Variants in GLIS3 observed in about 807,000 individuals in gnomAD.
GLIS3 encodes GLIS family zinc finger 3.
In GLIS3, 53 loss-of-function variants were observed where a neutral mutation model predicts 78.6. That is an observed-to-expected ratio of 0.67 (90% CI 0.54 to 0.85). The LOEUF is 0.85. GLIS3 is among the 40% of genes least tolerant of loss of function. GLIS3 has a pLI of 0.00. For missense variants in GLIS3, 1,703 were observed against 1,231.1 expected (o/e 1.38, Z -5.74); for synonymous variants, 684 against 509.9 (o/e 1.34, Z -4.60).
chr9:4,129,214 T>C (rs1442141302), intron 2 of GLIS3, among the ~76,000 whole-genome samples: 2 of 152,080 alleles, frequency 1.3e-5, no homozygotes, highest in Admixed American at 1.3e-4. Context: ...TGTCTTGGAG[T>C]GTGGGCTCTG....
At chr9:4,369,495 C>A in the GLIS3 span, among the ~76,000 whole-genome samples, 1 of 152,142 alleles carries the variant, frequency 6.6e-6, no homozygotes, top group Admixed American at 6.5e-5. Flanking sequence ...TAAGTTCCAC[C>A]ATATGATCAA....
In GLIS3 at chr9:3,921,016, A is replaced by T. The variant is rs1169006097; in HGVS notation, c.1983+11344T>A. Reference sequence around the variant, plus strand: ...ATTTATCCTTTTTACCACCAAACTTAAAGATCTTGCATCACAACCCTACGG... The same window carrying T: ...ATTTATCCTTTTTACCACCAAACTTTAAGATCTTGCATCACAACCCTACGG... On this transcript the variant is annotated intron_variant, in intron 6 of 10. Coordinates refer to ENST00000381971, the MANE Select transcript of GLIS3 (RefSeq NM_001042413.2). Among the ~76,000 whole-genome samples, 3 of 152,326 alleles carry T rather than the reference A, an allele frequency of 2.0e-5. No individual in the cohort carries two copies. The East Asian group carries it at 5.8e-4, about 29-fold the overall frequency.
intron 7 of GLIS3, among the ~76,000 whole-genome samples, chr9:3,889,770 C>T (rs1822304970): frequency 6.6e-6 from 1 of 152,138 alleles, no homozygotes; most frequent in Non-Finnish European, 1.5e-5. Flanking sequence ...CACCTAAAGG[C>T]TAATAACTTT....
At chr9:4,170,528 T>A (rs1816286932) in intron 2 of GLIS3, among the ~76,000 whole-genome samples, 1 of 152,138 alleles carries the variant, frequency 6.6e-6, no homozygotes, top group Non-Finnish European at 1.5e-5. Flanking sequence ...AGTGAGACAG[T>A]CATCTAGGAG....
At chr9:4,064,032 G>C (rs1456379834) in intron 4 of GLIS3, among the ~76,000 whole-genome samples, 1 of 151,898 alleles carries the variant, frequency 6.6e-6, no homozygotes, top group Non-Finnish European at 1.5e-5. Context: ...CTGAAATGTA[G>C]AAGCTCAATA....
intron 2 of GLIS3, among the ~76,000 whole-genome samples, chr9:4,273,121 G>C (rs902661118): frequency 1.3e-5 from 2 of 152,174 alleles, no homozygotes; most frequent in African/African-American, 2.4e-5. Flanking sequence ...AGACTGGAGA[G>C]TTATGACTAA....
At chr9:4,158,087 T>C (rs1260144582) in intron 2 of GLIS3, among the ~76,000 whole-genome samples, 3 of 152,204 alleles carry the variant, frequency 2.0e-5, no homozygotes, top group Non-Finnish European at 2.9e-5. Flanking sequence ...ACATGCCTCA[T>C]CCACACATAT....
At chr9:4,036,379 T>C (rs1364038219) in intron 4 of GLIS3, among the ~76,000 whole-genome samples, 1 of 152,178 alleles carries the variant, frequency 6.6e-6, no homozygotes, top group Non-Finnish European at 1.5e-5. Context: ...CCTTAATTTC[T>C]GTAGAACAAG....
At chr9:4,380,765 A>G in the GLIS3 span, among the ~76,000 whole-genome samples, 3 of 152,238 alleles carry the variant, frequency 2.0e-5, no homozygotes, top group African/African-American at 7.2e-5. Context: ...AGAAACTGGT[A>G]GAAAGGAGAA....
At chr9:4,005,039 G>A (rs536567101) in intron 4 of GLIS3, among the ~76,000 whole-genome samples, 81 of 152,302 alleles carry the variant, frequency 5.3e-4, no homozygotes, top group African/African-American at 1.9e-3. Flanking sequence ...GATGCCCCCA[G>A]TGGTGAATTC....
chr9:4,005,940 C>T lies in GLIS3; in HGVS notation c.1711-68751G>A, dbSNP rs569886119. 4.6e-4 allele frequency among the ~76,000 whole-genome samples: 70 copies of T among 152,292 alleles called. 1 individual carries two copies. Among genetic ancestry groups the T allele is most frequent in the African/African-American group, 1.6e-3 (66 of 41,564 alleles). On this transcript the variant is annotated intron_variant, in intron 4 of 10. Coordinates refer to ENST00000381971, the MANE Select transcript of GLIS3 (RefSeq NM_001042413.2). The stretch of plus-strand genomic sequence containing the variant: ...CATTTGCTGAATTACTACAGTACTA[C>T]TGTAGTCTGAAGTGGTTCAGCATAG...
the GLIS3 span, among the ~76,000 whole-genome samples, chr9:4,489,022 A>G: frequency 1.3e-5 from 2 of 151,644 alleles, no homozygotes; most frequent in Non-Finnish European, 2.9e-5. Context: ...ACGTGCCACC[A>G]CGCCCGGCTA....
In GLIS3 at chr9:4,023,456, T is replaced by G. The variant is rs149291872; in HGVS notation, c.1711-86267A>C. Among the ~76,000 whole-genome samples, 273 of 152,334 alleles carry G rather than the reference T, an allele frequency of 1.8e-3. 2 individuals are homozygous for G. Among genetic ancestry groups the G allele is most frequent in the African/African-American group, 6.4e-3 (266 of 41,580 alleles). ...CAAAAAAGTGTCATCAAGGAAATGT[T>G]TGCTTTTGTTCCTAAACATATAAAG... On this transcript the variant is annotated intron_variant, in intron 4 of 10. Coordinates refer to ENST00000381971, the MANE Select transcript of GLIS3 (RefSeq NM_001042413.2).
chr9:3,845,073 G>A (rs79058166), intron 9 of GLIS3, among the ~76,000 whole-genome samples: 587 of 45,974 alleles, frequency 0.013, 18 homozygotes, highest in Non-Finnish European at 4.1e-3. Context: ...ATATATATAT[G>A]TGTGTGTGTG....
At chr9:4,182,758 G>C (rs1817445202) in intron 2 of GLIS3, among the ~76,000 whole-genome samples, 1 of 152,174 alleles carries the variant, frequency 6.6e-6, no homozygotes, top group Non-Finnish European at 1.5e-5. Flanking sequence ...CTAATGTCTT[G>C]AAAACGCAAT....
intron 2 of GLIS3, among the ~76,000 whole-genome samples, chr9:4,280,067 T>C (rs1827407007): frequency 6.6e-6 from 1 of 152,240 alleles, no homozygotes; most frequent in African/African-American, 2.4e-5. Flanking sequence ...TCACCCAGGC[T>C]TGAGTGCAGT....
intron 8 of GLIS3, among the ~76,000 whole-genome samples, chr9:3,868,133 C>A (rs1319227163): frequency 6.6e-6 from 1 of 152,158 alleles, no homozygotes; most frequent in Non-Finnish European, 1.5e-5. Context: ...TTATTTGTTA[C>A]CCTCTAAGTT....
chr9:4,157,484 AG>A (rs569921126), intron 2 of GLIS3, among the ~76,000 whole-genome samples: 84 of 152,326 alleles, frequency 5.5e-4, no homozygotes, highest in Non-Finnish European at 1.0e-3. Flanking sequence ...TGGGGAGCAG[AG>A]AGGAAGGAGG....
At chr9:4,250,416 G>C (rs1032014048) in intron 2 of GLIS3, among the ~76,000 whole-genome samples, 2 of 152,158 alleles carry the variant, frequency 1.3e-5, no homozygotes, top group African/African-American at 4.8e-5. Flanking sequence ...GGTGTTTATA[G>C]TATTCTCTGA....
Sources: allele counts gnomAD v4.1 joint callset (sites outside exome capture counted in the v4.1 genomes callset), GRCh38; gene constraint gnomAD v4.1.1; transcripts MANE v1.5; gene names NCBI Gene and HGNC (gene_info 2026-07-23, HGNC 2026-07-21).